TMEM87B: variants seen among roughly 807,000 people sequenced by gnomAD.
The protein encoded by TMEM87B is transmembrane protein 87B.
TMEM87B carries 83 observed loss-of-function variants against 80.3 expected under a neutral mutation model. That is an observed-to-expected ratio of 1.03 (90% CI 0.87 to 1.24). The LOEUF (loss-of-function observed/expected upper bound fraction) is 1.24. TMEM87B is among the 50% of genes most tolerant of loss of function. The probability of loss-of-function intolerance (pLI) is 0.00; values close to 1 mark genes in which losing one functional copy is unlikely to be tolerated. For missense variants in TMEM87B, 625 were observed against 674.4 expected, an observed-to-expected ratio of 0.93 and a Z score of 0.81; for synonymous variants, 219 against 230.5, an observed-to-expected ratio of 0.95 and a Z score of 0.45.
intron 17 of TMEM87B, among the ~76,000 whole-genome samples, chr2:112,109,578 A>T (rs970956749): frequency 2.7e-5 from 4 of 148,672 alleles, no homozygotes; most frequent in Non-Finnish European, 5.9e-5. Flanking sequence ...CATGTGTGTG[A>T]TGTGACATTT....
chr2:112,100,535 A>AT (rs1357260745), intron 14 of TMEM87B, 87 bp from the exon 15 acceptor site: 30 of 800,756 alleles, frequency 3.7e-5, no homozygotes, highest in South Asian at 5.7e-5. Context: ...TTAAATGTAG[A>AT]TTTTTTATAC....
In TMEM87B at chr2:112,116,506, G is replaced by A. The variant is rs1297510030; in HGVS notation, c.*363G>A. The A allele has an allele frequency of 6.0e-6, 1 of 165,994 alleles. No homozygotes were observed. Among genetic ancestry groups the A allele is most frequent in the African/African-American group, 2.4e-5 (1 of 41,734 alleles). 10.3% of individuals were successfully genotyped at this position (165,994 alleles called of 1,614,324 possible). On this transcript the variant is annotated 3_prime_UTR_variant, in exon 19 of 19. Transcript: ENST00000283206. Reference sequence around the variant, plus strand: ...AAAATGTTTTTTAATAAATACCCTTGGTCTTTCTTCTAGTCACCTTTGAGG... The same window carrying A: ...AAAATGTTTTTTAATAAATACCCTTAGTCTTTCTTCTAGTCACCTTTGAGG...
In TMEM87B at chr2:112,108,055, G is replaced by T. The variant is rs573990263; in HGVS notation, c.1577+215G>T. On this transcript the variant is annotated intron_variant, in intron 17 of 18. Coordinates refer to ENST00000283206, the MANE Select transcript of TMEM87B (RefSeq NM_032824.3). ...TACAGCAACCATTTTAAAACTAGTG[G>T]CCTCTAACCAACTCTAGCTTTTTCT... 5.9e-5 allele frequency among the ~76,000 whole-genome samples: 9 copies of T among 152,118 alleles called. No individual in the cohort carries two copies. In the East Asian group the frequency reaches 1.3e-3, roughly 23 times the overall value.
At chr2:112,104,636 A>G (rs564599561) in intron 15 of TMEM87B, among the ~76,000 whole-genome samples, 1 of 152,352 alleles carries the variant, frequency 6.6e-6, no homozygotes, top group Non-Finnish European at 1.5e-5. Context: ...GTAGAATAGC[A>G]TGACCGCTTT....
intron 1 of TMEM87B, among the ~76,000 whole-genome samples, chr2:112,058,173 G>A (rs761367879): frequency 1.3e-5 from 2 of 152,152 alleles, no homozygotes; most frequent in African/African-American, 2.4e-5. Context: ...AGAAGAGGAG[G>A]GGAACAGAGC....
chr2:112,091,639 T>C, intron 10 of TMEM87B, 73 bp from the exon 11 acceptor site: 1 of 1,005,872 alleles, frequency 9.9e-7, no homozygotes, highest in East Asian at 2.4e-5. Context: ...TTATTTTTCT[T>C]CATCAAATGA....
intron 6 of TMEM87B, among the ~76,000 whole-genome samples, chr2:112,079,357 G>A (rs973884411): frequency 3.3e-5 from 5 of 152,176 alleles, no homozygotes; most frequent in African/African-American, 1.2e-4. Flanking sequence ...AAGTGAAAAT[G>A]TGCAGTATTT....
chr2:112,101,570 A>G (rs374799512), intron 15 of TMEM87B, among the ~76,000 whole-genome samples: 3 of 152,338 alleles, frequency 2.0e-5, no homozygotes, highest in East Asian at 1.9e-4. Flanking sequence ...TAACATAGTT[A>G]TCACATATTT....
chr2:112,084,351 A>G (rs189730264), intron 8 of TMEM87B, among the ~76,000 whole-genome samples: 2 of 152,260 alleles, frequency 1.3e-5, no homozygotes, highest in East Asian at 3.9e-4. Context: ...GGAACTCTCT[A>G]TCCTGAGCTA....
chr2:112,112,797 G>A (rs1679953261), intron 17 of TMEM87B, 102 bp from the exon 18 acceptor site: 2 of 1,082,468 alleles, frequency 1.8e-6, no homozygotes, highest in Non-Finnish European at 2.8e-6. Flanking sequence ...ATACCCAGGA[G>A]TGAGAATTAG....
intron 3 of TMEM87B, among the ~76,000 whole-genome samples, chr2:112,064,699 G>C (rs1245534895): frequency 1.3e-5 from 2 of 152,194 alleles, no homozygotes; most frequent in African/African-American, 4.8e-5. Flanking sequence ...GGAGAAAGTG[G>C]CTGTGCTGAG....
chr2:112,080,119 G>A (rs1028638645), intron 6 of TMEM87B, among the ~76,000 whole-genome samples: 1 of 151,250 alleles, frequency 6.6e-6, no homozygotes, highest in Non-Finnish European at 1.5e-5. Flanking sequence ...TATTAGAGAC[G>A]GGTTTCACCA....
intron 2 of TMEM87B, among the ~76,000 whole-genome samples, chr2:112,063,260 T>G (rs1678311421): frequency 6.6e-6 from 1 of 152,220 alleles, no homozygotes. Context: ...GCATCTTTGC[T>G]CTCTCTAATC....
rs189205017 is a variant in TMEM87B at position 112,087,898 on chromosome 2, C to A, written c.939-1727C>A. 2.6e-5 allele frequency among the ~76,000 whole-genome samples: 4 copies of A among 152,340 alleles called. No homozygotes were observed. In the South Asian group the frequency reaches 6.2e-4, roughly 24 times the overall value. On this transcript the variant is annotated intron_variant, in intron 9 of 18. Transcript: ENST00000283206. ...CTGCTCAGCCCTCGTCCAGTTGTCC[C>A]GTGAGCAGCTTTAAGGAGTGCCAGC...
chr2:112,080,017 C>T (rs1353724287), intron 6 of TMEM87B, among the ~76,000 whole-genome samples: 2 of 149,374 alleles, frequency 1.3e-5, no homozygotes, highest in African/African-American at 2.5e-5. Flanking sequence ...GCAACCTCCA[C>T]CTCCTGGGTT....
At chr2:112,067,258 G>A (rs1467808380) in intron 4 of TMEM87B, among the ~76,000 whole-genome samples, 191 bp downstream of exon 4, 1 of 152,184 alleles carries the variant, frequency 6.6e-6, no homozygotes, top group African/African-American at 2.4e-5. Context: ...TGATAAAGGT[G>A]GTTAACTTGT....
intron 14 of TMEM87B, among the ~76,000 whole-genome samples, 172 bp from the exon 15 acceptor site, chr2:112,100,450 T>C (rs1679598296): frequency 6.6e-6 from 1 of 152,222 alleles, no homozygotes; most frequent in Non-Finnish European, 1.5e-5. Context: ...AGTTTCACAA[T>C]TTCTTAATGA....
At chr2:112,086,236 A>G in intron 9 of TMEM87B, 132 bp downstream of exon 9, 1 of 596,050 alleles carries the variant, frequency 1.7e-6, no homozygotes, top group Non-Finnish European at 2.7e-6. Flanking sequence ...CTACAAGAAC[A>G]CATTTTTAAA....
At chr2:112,099,555 T>TATATATATATATATATATATATATAC (rs1019425429) in intron 14 of TMEM87B, among the ~76,000 whole-genome samples, 7 of 73,552 alleles carry the variant, frequency 9.5e-5, no homozygotes, top group African/African-American at 3.0e-4. Context: ...TATATATATA[T>TATATATATATATATATATATATATAC]ACACACACAC....
Sources: allele counts gnomAD v4.1 joint callset (sites outside exome capture counted in the v4.1 genomes callset), GRCh38; gene constraint gnomAD v4.1.1; transcripts MANE v1.5; gene names NCBI Gene and HGNC (gene_info 2026-07-23, HGNC 2026-07-21).